Variants in PFKP observed in about 807,000 individuals in gnomAD.
The protein encoded by PFKP is ATP-dependent 6-phosphofructokinase, platelet type.
PFKP carries 101 observed loss-of-function variants against 94.3 expected under a neutral mutation model. The ratio of observed to expected loss-of-function variants is 1.07; its 90% confidence interval spans 0.91 to 1.26. The LOEUF (loss-of-function observed/expected upper bound fraction) is 1.26. PFKP is among the 50% of genes most tolerant of loss of function. PFKP has a pLI of 0.00. For missense variants in PFKP, 1,145 were observed against 1,103.3 expected (o/e 1.04, Z -0.53); for synonymous variants, 573 against 432.6 (o/e 1.32, Z -4.03).
chr10:3,069,387 C>T lies in PFKP; in HGVS notation c.112+1680C>T, dbSNP rs779546469. ...TGACTTAAACCGGCCCGGAGATGTG[C>T]GGGTACGAATGGAGCCGCCTTGGGG... On this transcript the variant is annotated intron_variant, in intron 1 of 21. Transcript: ENST00000381125. 2.4e-5 allele frequency: 38 copies of T among 1,587,610 alleles called. No individual in the cohort carries two copies. The highest frequency in any genetic ancestry group is 3.1e-5 in the Non-Finnish European group (36 of 1,167,620).
chr10:3,095,211 C>A (rs1834374754), intron 2 of PFKP, among the ~76,000 whole-genome samples: 1 of 86,978 alleles, frequency 1.1e-5, no homozygotes, highest in South Asian at 3.7e-4. Context: ...AAAAAACTTA[C>A]ATATGAGACG....
At chr10:3,098,718 A>T (rs2131524920) in intron 2 of PFKP, among the ~76,000 whole-genome samples, 1 of 149,964 alleles carries the variant, frequency 6.7e-6, no homozygotes, top group South Asian at 2.1e-4. Flanking sequence ...TTCTTCTATC[A>T]ATGTGTCCTC....
chr10:3,112,994 T>G lies in PFKP; in HGVS notation c.1155-125T>G, dbSNP rs1028595562. ...ATGCACATGGAACCCTGGGGCCTCC[T>G]CCTTCTGCCCAGATAGTCGGGCAGA... On this transcript the variant is annotated intron_variant, in intron 11 of 21. Transcript: ENST00000381125. The G allele has an allele frequency of 6.0e-6, 5 of 833,670 alleles. No homozygotes were observed. The African/African-American group carries it at 8.4e-5, about 14-fold the overall frequency. The allele number at this position is 833,670 out of a possible 1,614,324, so 51.6% of individuals were successfully genotyped here. A position where few individuals can be genotyped will look rare whatever the true frequency, so the allele number is the denominator to read the frequency against.
chr10:3,071,513 T>C (rs1361171148), intron 1 of PFKP, among the ~76,000 whole-genome samples: 1 of 148,398 alleles, frequency 6.7e-6, no homozygotes, highest in African/African-American at 2.5e-5. Context: ...GAAACTTAAA[T>C]TGATTTTCAC....
chr10:3,082,650 C>G (rs541240787), intron 2 of PFKP, among the ~76,000 whole-genome samples, 189 bp downstream of exon 2: 1 of 152,296 alleles, frequency 6.6e-6, no homozygotes, highest in South Asian at 2.1e-4. Flanking sequence ...GGACAGATGC[C>G]TGGTCTGCAA....
In PFKP at chr10:3,084,793, C is replaced by CCTCCACCCCCTCCCCAGGAGAGTT. The variant is rs1420048209; in HGVS notation, c.186+2337_186+2338insCCCCCTCCCCAGGAGAGTTCTCCA. Among the ~76,000 whole-genome samples the CCTCCACCCCCTCCCCAGGAGAGTT allele has an allele frequency of 8.7e-4, 127 of 145,428 alleles. 1 individual carries two copies. The highest frequency in any genetic ancestry group is 3.0e-3 in the African/African-American group (118 of 38,998). ...TCCTCCACCCCCTCCCCAGGAGAGT[C>CCTCCACCCCCTCCCCAGGAGAGTT]CTCCATCTCCTCCCCAGTACAGTCT... On this transcript the variant is annotated intron_variant, in intron 2 of 21. Transcript: ENST00000381125.
intron 2 of PFKP, among the ~76,000 whole-genome samples, chr10:3,086,844 C>A (rs1458745105): frequency 6.6e-6 from 1 of 152,222 alleles, no homozygotes; most frequent in East Asian, 1.9e-4. Context: ...TGTAGTCGCC[C>A]GTCTGTTTCC....
chr10:3,073,680 G>A (rs74113306), intron 1 of PFKP, among the ~76,000 whole-genome samples: 2,110 of 149,614 alleles, frequency 0.014, 65 homozygotes, highest in African/African-American at 0.048. Flanking sequence ...TTGTCTAAAC[G>A]TACATATGTA....
intron 18 of PFKP, 34 bp from the exon 19 acceptor site, chr10:3,133,169 G>T: frequency 6.5e-7 from 1 of 1,548,176 alleles, no homozygotes; most frequent in Non-Finnish European, 8.9e-7. Flanking sequence ...CCCACTGCAC[G>T]CTAAACAAAG....
At chr10:3,132,581 A>G in intron 18 of PFKP, 140 bp downstream of exon 18, 1 of 635,024 alleles carries the variant, frequency 1.6e-6, no homozygotes, top group South Asian at 1.9e-5. Context: ...GGTGCAGAAG[A>G]CAGCTGTGGT....
At chr10:3,134,157 C>A (rs1838932607) in intron 19 of PFKP, among the ~76,000 whole-genome samples, 1 of 152,188 alleles carries the variant, frequency 6.6e-6, no homozygotes, top group South Asian at 2.1e-4. Flanking sequence ...CTTAAAGAAT[C>A]CACAACGGTT....
chr10:3,087,380 T>C (rs891549357), intron 2 of PFKP, among the ~76,000 whole-genome samples: 6 of 152,068 alleles, frequency 3.9e-5, no homozygotes, highest in African/African-American at 1.4e-4. Flanking sequence ...CTGGACGAGG[T>C]CTGGACAACC....
chr10:3,114,324 A>G (rs901074812), intron 13 of PFKP, among the ~76,000 whole-genome samples: 2 of 151,894 alleles, frequency 1.3e-5, no homozygotes, highest in Non-Finnish European at 2.9e-5. Flanking sequence ...TCATTTTTGT[A>G]TTTTTAGTAG....
At position 3,082,207 on chromosome 10, in the gene PFKP, T is replaced by C. The variant is rs539450770; in HGVS notation, c.113-181T>C. Among the ~76,000 whole-genome samples the C allele has an allele frequency of 2.0e-5, 3 of 152,200 alleles. No homozygotes were observed. In the South Asian group the frequency reaches 6.2e-4, roughly 32 times the overall value. Reference sequence around the variant, plus strand: ...AGCCTGGGCATGGGGGTACCTTGCGTTACGTTGGCTGTTTCTTTTAGTCCT... The same window carrying C: ...AGCCTGGGCATGGGGGTACCTTGCGCTACGTTGGCTGTTTCTTTTAGTCCT... On this transcript the variant is annotated intron_variant, in intron 1 of 21. Transcript: ENST00000381125.
At chr10:3,122,764 TC>T (rs1837556266) in intron 16 of PFKP, among the ~76,000 whole-genome samples, 1 of 152,302 alleles carries the variant, frequency 6.6e-6, no homozygotes, top group South Asian at 2.1e-4. Flanking sequence ...CTTCTATTGT[TC>T]AGAAAATTTG....
Position 3,112,197 on chromosome 10 carries a change from C to T in PFKP, c.1090-25C>T, listed in dbSNP as rs375492706. ...TGCACCAGGTCCTGACACATTCTTTCTTCTTTTCATCATTGTTTTAAAAGA... is the reference window on the plus strand; with the variant it reads ...TGCACCAGGTCCTGACACATTCTTTTTTCTTTTCATCATTGTTTTAAAAGA... On this transcript the variant is annotated intron_variant, in intron 10 of 21. Transcript: ENST00000381125. 4.4e-6 allele frequency: 7 copies of T among 1,599,380 alleles called. No homozygotes were observed. In the African/African-American group the frequency reaches 5.4e-5, roughly 12 times the overall value.
intron 2 of PFKP, among the ~76,000 whole-genome samples, chr10:3,096,165 A>G (rs1036800699): frequency 6.6e-5 from 10 of 152,184 alleles, no homozygotes; most frequent in African/African-American, 2.4e-4. Context: ...GGTTCCCACT[A>G]TGGCATATTA....
chr10:3,132,463 C>T, intron 18 of PFKP, 22 bp downstream of exon 18: 1 of 1,542,996 alleles, frequency 6.5e-7, no homozygotes, highest in Non-Finnish European at 9.0e-7. Flanking sequence ...AGACCAGGGG[C>T]TGATCTTACC....
intron 16 of PFKP, 26 bp downstream of exon 16, chr10:3,120,070 C>A (rs757157459): frequency 2.5e-6 from 4 of 1,609,912 alleles, no homozygotes; most frequent in South Asian, 1.1e-5. Flanking sequence ...CCCTGCCAGG[C>A]GGGCGCCGGC....
Sources: gnomAD v4.1 joint callset for allele counts (sites outside exome capture counted in the v4.1 genomes callset) on GRCh38, gnomAD v4.1.1 for gene constraint, MANE v1.5 for transcripts, NCBI Gene and HGNC (gene_info 2026-07-23, HGNC 2026-07-21) for gene names.